The following PTPRN2 variants were observed in gnomAD, a reference collection of about 807,000 sequenced individuals.
PTPRN2 encodes protein tyrosine phosphatase receptor type N2.
Under a neutral mutation model 118.8 loss-of-function variants are expected in PTPRN2, and 74 were observed. The observed-to-expected ratio is 0.62, with a 90% confidence interval of 0.52 to 0.76. The LOEUF (loss-of-function observed/expected upper bound fraction) is 0.76. Ranked by LOEUF, PTPRN2 falls within the 30% of genes least tolerant of loss-of-function variation. The probability of loss-of-function intolerance (pLI) is 0.00; values close to 1 mark genes in which losing one functional copy is unlikely to be tolerated. For missense variants in PTPRN2, 1,481 were observed against 1,394.4 expected, an observed-to-expected ratio of 1.06 and a Z score of -0.99; for synonymous variants, 641 against 608.0, an observed-to-expected ratio of 1.05 and a Z score of -0.80.
chr7:157,556,323 CCA>C (rs1563209356), intron 21 of PTPRN2, among the ~76,000 whole-genome samples: 2 of 146,830 alleles, frequency 1.4e-5, no homozygotes, highest in South Asian at 2.3e-4. Context: ...ACACACACAC[CCA>C]CACTCACACT....
At chr7:157,713,129 C>G (rs1798732330) in intron 12 of PTPRN2, among the ~76,000 whole-genome samples, 1 of 152,212 alleles carries the variant, frequency 6.6e-6, no homozygotes, top group South Asian at 2.1e-4. Flanking sequence ...TCTAAAACCC[C>G]TGAGGTCGTT....
At chr7:157,699,529 G>C (rs1307095610) in intron 12 of PTPRN2, among the ~76,000 whole-genome samples, 2 of 152,164 alleles carry the variant, frequency 1.3e-5, no homozygotes, top group Non-Finnish European at 2.9e-5. Context: ...CCGACACCCA[G>C]GTTCAAATGA....
chr7:158,165,819 G>A (rs1036914081), intron 6 of PTPRN2, among the ~76,000 whole-genome samples: 5 of 152,146 alleles, frequency 3.3e-5, no homozygotes, highest in African/African-American at 1.2e-4. Flanking sequence ...ACCCGCAAAC[G>A]CCTTTCTCCC....
chr7:158,119,927 A>G (rs1817021093), intron 9 of PTPRN2, among the ~76,000 whole-genome samples: 1 of 152,136 alleles, frequency 6.6e-6, no homozygotes, highest in Non-Finnish European at 1.5e-5. Context: ...ATTATTCTCA[A>G]TCACTAAAGC....
In PTPRN2 at chr7:158,181,171, T is replaced by C. The variant is rs1488273365; in HGVS notation, c.549+11156A>G. 2.0e-5 allele frequency among the ~76,000 whole-genome samples: 3 copies of C among 152,204 alleles called. No individual in the cohort carries two copies. The East Asian group carries it at 5.8e-4, about 29-fold the overall frequency. ...TGAAGTGATGCTGGGTTTTATTGAATGCTTTTCCTGCATCTATTGAGATAA... is the reference window on the plus strand; with the variant it reads ...TGAAGTGATGCTGGGTTTTATTGAACGCTTTTCCTGCATCTATTGAGATAA... On this transcript the variant is annotated intron_variant, in intron 5 of 22. Transcript: ENST00000389418.
intron 3 of PTPRN2, among the ~76,000 whole-genome samples, chr7:158,315,609 A>T (rs920657224): frequency 5.3e-5 from 8 of 152,248 alleles, no homozygotes; most frequent in Non-Finnish European, 7.3e-5. Flanking sequence ...CCAGCAGTGC[A>T]CCTGGCTGGT....
chr7:158,151,097 C>A (rs373959679), intron 6 of PTPRN2, among the ~76,000 whole-genome samples: 25,492 of 50,994 alleles, frequency 0.5, 8,821 homozygotes, highest in Middle Eastern at 0.69. Context: ...GCCCAAACCG[C>A]CCGCCTTTCT....
In PTPRN2 at chr7:157,620,996, G is replaced by A. The variant is rs77928083; in HGVS notation, c.2344+366C>T. On this transcript the variant is annotated intron_variant, in intron 15 of 22. Transcript: ENST00000389418. ...CAGGTCAGCATGGCCAGTTTCCCCC[G>A]CCTGTAACCCAGGCCTCCTGCCCCC... 7.1e-5 allele frequency among the ~76,000 whole-genome samples: 7 copies of A among 98,746 alleles called. No homozygotes were observed. In the South Asian group the frequency reaches 9.4e-4, roughly 13 times the overall value. 64.8% of individuals were successfully genotyped at this position (98,746 alleles called of 152,430 possible).
At chr7:158,469,735 CA>C (rs56040599) in intron 2 of PTPRN2, among the ~76,000 whole-genome samples, 2,716 of 67,484 alleles carry the variant, frequency 0.04, 33 homozygotes, top group African/African-American at 0.098. Context: ...AAAACCTGGC[CA>C]AAAAAAAAAA....
chr7:158,074,655 G>A (rs1312460255), intron 11 of PTPRN2, among the ~76,000 whole-genome samples: 1 of 152,106 alleles, frequency 6.6e-6, no homozygotes, highest in Non-Finnish European at 1.5e-5. Flanking sequence ...AGGCCCTGGG[G>A]GCTCTTCTCC....
rs554209072 is a variant in PTPRN2 at position 157,674,841 on chromosome 7, C to T, written c.2001+7884G>A. Among the ~76,000 whole-genome samples the T allele has an allele frequency of 9.9e-5, 15 of 152,262 alleles. No individual in the cohort carries two copies. Among genetic ancestry groups the T allele is most frequent in the South Asian group, 6.2e-4 (3 of 4,808 alleles). On this transcript the variant is annotated intron_variant, in intron 13 of 22. Coordinates refer to ENST00000389418, the MANE Select transcript of PTPRN2 (RefSeq NM_002847.5). The surrounding 1 kb of genome is among the most constrained non-coding windows in gnomAD (Gnocchi z 4.5). ...TCCTCCCACGCCGAGCTCCTCCTGC[C>T]GGGGGGGTCTGCACAGTTCTGGGTG...
intron 15 of PTPRN2, among the ~76,000 whole-genome samples, chr7:157,620,938 ACC>A (rs1478882691): frequency 2.0e-5 from 3 of 147,420 alleles, no homozygotes; most frequent in African/African-American, 7.6e-5. Context: ...CCCGCCTGTA[ACC>A]CAGGCCTCCT....
chr7:158,214,158 T>C (rs920146478), intron 3 of PTPRN2, among the ~76,000 whole-genome samples: 1 of 152,084 alleles, frequency 6.6e-6, no homozygotes, highest in African/African-American at 2.4e-5. Context: ...GTCCGTGGCA[T>C]ATCTTGGAGA....
At chr7:158,141,422 G>A (rs1414904319) in intron 6 of PTPRN2, among the ~76,000 whole-genome samples, 10 of 152,120 alleles carry the variant, frequency 6.6e-5, no homozygotes, top group East Asian at 1.9e-4. Flanking sequence ...GCCGGCACCC[G>A]GTCCCCACGT....
At chr7:157,558,018 G>A (rs1585028789) in intron 21 of PTPRN2, among the ~76,000 whole-genome samples, 1 of 138,496 alleles carries the variant, frequency 7.2e-6, no homozygotes, top group East Asian at 2.0e-4. Flanking sequence ...CTGTTGAGGT[G>A]CTGGCAGCAT....
chr7:158,292,702 G>C (rs1415097871), intron 3 of PTPRN2, among the ~76,000 whole-genome samples: 8 of 152,210 alleles, frequency 5.3e-5, no homozygotes. Flanking sequence ...AATGCTACAG[G>C]CAATTGTAAC....
Position 157,676,564 on chromosome 7 carries a change from C to T in PTPRN2, c.2001+6161G>A, listed in dbSNP as rs1164035641. Among the ~76,000 whole-genome samples, 4 of 152,196 alleles carry T rather than the reference C, an allele frequency of 2.6e-5. No homozygotes were observed. The highest frequency in any genetic ancestry group is 5.9e-5 in the Non-Finnish European group (4 of 68,026). ...ATGGTGGAGGAGCTGTCCAGACCCA[C>T]GGGACAGAAAAGCCCGGGCCAGCCC... On this transcript the variant is annotated intron_variant, in intron 13 of 22. Transcript: ENST00000389418. The surrounding 1 kb of genome is among the most constrained non-coding windows in gnomAD (Gnocchi z 5.6).
chr7:158,549,030 A>C (rs1826472748), intron 1 of PTPRN2, among the ~76,000 whole-genome samples: 1 of 152,206 alleles, frequency 6.6e-6, no homozygotes, highest in South Asian at 2.1e-4. Flanking sequence ...GAGGAGATGC[A>C]GACAGCAGTG....
At chr7:157,556,748 C>T (rs1037237860) in intron 21 of PTPRN2, among the ~76,000 whole-genome samples, 1 of 150,022 alleles carries the variant, frequency 6.7e-6, no homozygotes, top group African/African-American at 2.5e-5. Context: ...ACACCCCACA[C>T]TCATACATAT....
Sources: allele counts gnomAD v4.1 joint callset (sites outside exome capture counted in the v4.1 genomes callset), GRCh38; gene constraint gnomAD v4.1.1; non-coding constraint Gnocchi (gnomAD v3.1); transcripts MANE v1.5; gene names NCBI Gene and HGNC (gene_info 2026-07-23, HGNC 2026-07-21).